Variants in EYA4 observed in about 807,000 individuals in gnomAD.
EYA4 encodes EYA transcriptional coactivator and phosphatase 4.
EYA4 carries 31 observed loss-of-function variants against 87.9 expected under a neutral mutation model. That is an observed-to-expected ratio of 0.35 (90% CI 0.27 to 0.48). EYA4 has a LOEUF of 0.48. Among genes scored for constraint, EYA4 ranks in the 20% least tolerant of loss-of-function variants. EYA4 has a pLI of 0.99. For synonymous variants in EYA4, 263 were observed against 270.6 expected (o/e 0.97, Z 0.28); for missense variants, 678 against 761.4 (o/e 0.89, Z 1.29).
At chr6:133,363,948 A>C in intron 2 of EYA4, among the ~76,000 whole-genome samples, 1 of 152,128 alleles carries the variant, frequency 6.6e-6, no homozygotes, top group East Asian at 1.9e-4. Context: ...TGGCAGCTCT[A>C]ATCTCCCACT....
intron 2 of EYA4, among the ~76,000 whole-genome samples, chr6:133,281,784 C>T (rs930617636): frequency 3.3e-5 from 5 of 152,190 alleles, no homozygotes; most frequent in South Asian, 2.1e-4. Context: ...CTGCCACTTC[C>T]GGTAGTTCCC....
Position 133,265,112 on chromosome 6 carries a change from A to G in EYA4, c.-65-9604A>G, listed in dbSNP as rs73557717. Among the ~76,000 whole-genome samples, 475 of 152,274 alleles carry G rather than the reference A, an allele frequency of 3.1e-3. 3 individuals carry two copies. The highest frequency in any genetic ancestry group is 0.011 in the African/African-American group (453 of 41,560). ...GCTATTATGTATTTAAATGAGAAGA[A>G]ATGTTGAATTTGTAATTCTAATTTT... On this transcript the variant is annotated intron_variant, in intron 1 of 19. Coordinates refer to ENST00000355286, the MANE Select transcript of EYA4 (RefSeq NM_004100.5).
At chr6:133,303,401 T>C (rs2128317888) in intron 2 of EYA4, among the ~76,000 whole-genome samples, 1 of 152,350 alleles carries the variant, frequency 6.6e-6, no homozygotes, top group Non-Finnish European at 1.5e-5. Context: ...AGAGAGGTTG[T>C]TCTGTCTATC....
intron 2 of EYA4, among the ~76,000 whole-genome samples, chr6:133,349,415 T>TA (rs1448665974): frequency 6.6e-6 from 1 of 152,230 alleles, no homozygotes; most frequent in African/African-American, 2.4e-5. Flanking sequence ...GTTGTATACT[T>TA]AACCACCTAG....
At chr6:133,519,362 A>G (rs1018575995) in intron 17 of EYA4, among the ~76,000 whole-genome samples, 1 of 152,030 alleles carries the variant, frequency 6.6e-6, no homozygotes, top group East Asian at 1.9e-4. Context: ...GAATACTACA[A>G]ACACCTCTAC....
chr6:133,243,045 G>A (rs1582718576), intron 1 of EYA4, among the ~76,000 whole-genome samples: 1 of 151,746 alleles, frequency 6.6e-6, no homozygotes, highest in East Asian at 1.9e-4. Flanking sequence ...AATAGCGCCC[G>A]GGCGTGTGTT....
intron 2 of EYA4, among the ~76,000 whole-genome samples, chr6:133,374,778 C>A (rs1421865118): frequency 1.3e-5 from 2 of 151,866 alleles, no homozygotes; most frequent in African/African-American, 4.8e-5. Context: ...ATAGACTTCC[C>A]TAACTACATG....
intron 2 of EYA4, chr6:133,363,171 T>TC (rs1784581452): frequency 6.6e-6 from 1 of 152,234 alleles, no homozygotes; most frequent in African/African-American, 2.4e-5. Flanking sequence ...TGTTGTAGCT[T>TC]CCCCTGCTGA....
At chr6:133,290,542 A>G (rs1362298839) in intron 2 of EYA4, among the ~76,000 whole-genome samples, 1 of 152,080 alleles carries the variant, frequency 6.6e-6, no homozygotes, top group Non-Finnish European at 1.5e-5. Context: ...TGAGATTTGG[A>G]GTCTGTAATG....
At chr6:133,429,927 T>C (rs368006351) in intron 3 of EYA4, among the ~76,000 whole-genome samples, 9 of 152,368 alleles carry the variant, frequency 5.9e-5, no homozygotes, top group East Asian at 3.9e-4. Flanking sequence ...TATGAGTAGA[T>C]TGTGTGATGC....
intron 3 of EYA4, among the ~76,000 whole-genome samples, chr6:133,397,732 TA>T (rs1258921313): frequency 6.6e-6 from 1 of 152,208 alleles, no homozygotes; most frequent in Non-Finnish European, 1.5e-5. Context: ...TTAATGGACT[TA>T]CAGCTCCACG....
chr6:133,526,971 A>G (rs1357338268), intron 19 of EYA4, among the ~76,000 whole-genome samples: 1 of 152,240 alleles, frequency 6.6e-6, no homozygotes, highest in East Asian at 1.9e-4. Flanking sequence ...TTTGACAATT[A>G]AAACTTAGCC....
chr6:133,292,863 G>A (rs2128299554), intron 2 of EYA4, among the ~76,000 whole-genome samples: 1 of 152,296 alleles, frequency 6.6e-6, no homozygotes, highest in Middle Eastern at 3.4e-3. Flanking sequence ...TGAAGAGCAA[G>A]TAGAGATCAC....
intron 2 of EYA4, among the ~76,000 whole-genome samples, chr6:133,280,561 T>A (rs992548934): frequency 2.6e-5 from 4 of 152,020 alleles, no homozygotes; most frequent in Non-Finnish European, 5.9e-5. Flanking sequence ...GGCGCCCAGA[T>A]AATTTTTTGT....
intron 3 of EYA4, among the ~76,000 whole-genome samples, chr6:133,430,979 G>C (rs547799517): frequency 1.3e-5 from 2 of 152,284 alleles, no homozygotes; most frequent in South Asian, 4.1e-4. Context: ...TCTGAACAGG[G>C]GATGTTTGAG....
At chr6:133,385,161 T>C (rs1412820647) in intron 3 of EYA4, among the ~76,000 whole-genome samples, 1 of 151,368 alleles carries the variant, frequency 6.6e-6, no homozygotes, top group Non-Finnish European at 1.5e-5. Context: ...TAGCCAGGCG[T>C]GGTGGCAGGC....
chr6:133,507,735 A>G (rs1424269959), intron 14 of EYA4, among the ~76,000 whole-genome samples: 2 of 152,170 alleles, frequency 1.3e-5, no homozygotes. Context: ...ATAGTATTCT[A>G]TGGTGTATAT....
intron 2 of EYA4, among the ~76,000 whole-genome samples, chr6:133,284,473 C>A (rs1441124196): frequency 6.6e-6 from 1 of 152,084 alleles, no homozygotes; most frequent in Non-Finnish European, 1.5e-5. Context: ...CGCACCTGAC[C>A]CTATTAGTAA....
intron 1 of EYA4, 128 bp from the exon 2 acceptor site, chr6:133,274,588 A>T: frequency 1.7e-6 from 1 of 604,156 alleles, no homozygotes; most frequent in South Asian, 2.1e-5. Context: ...ATATTAGTGG[A>T]TTTTCTTCTT....
Sources: gnomAD v4.1 joint callset for allele counts (sites outside exome capture counted in the v4.1 genomes callset) on GRCh38, gnomAD v4.1.1 for gene constraint, MANE v1.5 for transcripts, NCBI Gene and HGNC (gene_info 2026-07-23, HGNC 2026-07-21) for gene names.